CSNK1G2: variants seen among roughly 807,000 people sequenced by gnomAD.
CSNK1G2 encodes the protein casein kinase 1 gamma 2.
Under a neutral mutation model 48.0 loss-of-function variants are expected in CSNK1G2, and 11 were observed. That is an observed-to-expected ratio of 0.23 (90% CI 0.14 to 0.38). The LOEUF (loss-of-function observed/expected upper bound fraction) is 0.38. Among genes scored for constraint, CSNK1G2 ranks in the 10% least tolerant of loss-of-function variants. CSNK1G2 has a pLI of 1.00. For synonymous variants in CSNK1G2, 337 were observed against 254.1 expected (o/e 1.33, Z -3.10); for missense variants, 446 against 595.5 (o/e 0.75, Z 2.61).
intron 2 of CSNK1G2, among the ~76,000 whole-genome samples, chr19:1,972,534 C>T (rs534431811): frequency 6.6e-6 from 1 of 152,304 alleles, no homozygotes; most frequent in Non-Finnish European, 1.5e-5. Context: ...CTTCTTGGAT[C>T]TCTGTGTTGG....
At chr19:1,979,675 G>C in intron 9 of CSNK1G2, 32 bp downstream of exon 9, 7 of 1,601,530 alleles carry the variant, frequency 4.4e-6, no homozygotes, top group Non-Finnish European at 5.9e-6. Context: ...TGTGGGAGCG[G>C]GGGACCGGGA....
Position 1,979,079 on chromosome 19 carries a change from C to T in CSNK1G2, c.668C>T (p.Thr223Met), listed in dbSNP as rs56038081. 2 of 1,598,890 alleles carry T rather than the reference C, an allele frequency of 1.3e-6. No homozygotes were observed. The highest frequency in any genetic ancestry group is 1.7e-4 in the Middle Eastern group (1 of 6,054). Residue 223 changes from threonine (T) to methionine (M), a missense_variant, in exon 6 of 12, where the codon ACG (threonine) becomes ATG (methionine). Around this residue, in one of 2 missense-constraint regions of CSNK1G2, gnomAD observed 258 missense variants for 415.9 expected, o/e 0.62. Transcript: ENST00000255641. Reference protein sequence around the residue: ...TGTARYMSINTHLGKEQSRRD... With the variant: ...TGTARYMSINMHLGKEQSRRD... Reference sequence around the variant, plus strand: ...ACGGCGCGCTACATGAGCATCAACACGCACCTGGGCAAGGGTGAGCTGCGC... The same window carrying T: ...ACGGCGCGCTACATGAGCATCAACATGCACCTGGGCAAGGGTGAGCTGCGC...
intron 1 of CSNK1G2, among the ~76,000 whole-genome samples, chr19:1,955,334 G>A (rs984709578): frequency 7.9e-5 from 12 of 152,176 alleles, no homozygotes; most frequent in African/African-American, 2.2e-4. Flanking sequence ...GGCCTCAGGC[G>A]CAGGCGGTGA....
At chr19:1,979,885 G>C in intron 10 of CSNK1G2, 26 bp from the exon 11 acceptor site, 1 of 1,605,982 alleles carries the variant, frequency 6.2e-7, no homozygotes, top group Non-Finnish European at 8.5e-7. Context: ...TGGGCGGCCA[G>C]CGTGACCCCC....
Position 1,978,270 on chromosome 19 carries a change from T to A in CSNK1G2, c.188-35T>A, listed in dbSNP as rs1229672245. 6.2e-7 allele frequency: 1 copy of A among 1,612,240 alleles called. No individual in the cohort carries two copies. The highest frequency in any genetic ancestry group is 8.5e-7 in the Non-Finnish European group (1 of 1,179,508). On this transcript the variant is annotated intron_variant, in intron 2 of 11. Transcript: ENST00000255641. The surrounding 1 kb of genome is among the most constrained non-coding windows in gnomAD (Gnocchi z 7.3). The stretch of plus-strand genomic sequence containing the variant: ...GGGGAGGTCGGGGCTAGGTGGGCCC[T>A]GCGCTGGCGGTGCTGATGGTCTCTG...
chr19:1,962,052 A>G (rs796875447), intron 1 of CSNK1G2, among the ~76,000 whole-genome samples: 2 of 152,316 alleles, frequency 1.3e-5, no homozygotes, highest in African/African-American at 4.8e-5. Context: ...CACCCTGGCC[A>G]GGCGCGGTGG....
chr19:1,945,315 C>A (rs1023615612), intron 1 of CSNK1G2, among the ~76,000 whole-genome samples: 2 of 152,220 alleles, frequency 1.3e-5, no homozygotes, highest in Non-Finnish European at 2.9e-5. Flanking sequence ...GCCCCCGGTG[C>A]GGCTGACTGT....
chr19:1,941,394 C>A lies in CSNK1G2; in HGVS notation c.-290C>A, dbSNP rs913988122. 1 of 148,726 alleles carries A rather than the reference C, an allele frequency of 6.7e-6. No individual in the cohort carries two copies. Among genetic ancestry groups the A allele is most frequent in the Non-Finnish European group, 1.5e-5 (1 of 66,616 alleles). 9.2% of individuals were successfully genotyped at this position (148,726 alleles called of 1,614,324 possible). A position where few individuals can be genotyped will look rare whatever the true frequency, so the allele number is the denominator to read the frequency against. The stretch of plus-strand genomic sequence containing the variant: ...GGGCCGGCCGCCCAGACGCTGCCCG[C>A]GGGCCCGGCCACGGCGGAGCCAAGG... On this transcript the variant is annotated 5_prime_UTR_variant, in exon 1 of 12. Coordinates refer to ENST00000255641, the MANE Select transcript of CSNK1G2 (RefSeq NM_001319.7).
intron 1 of CSNK1G2, among the ~76,000 whole-genome samples, chr19:1,948,252 G>T (rs1383839085): frequency 6.6e-6 from 1 of 152,206 alleles, no homozygotes; most frequent in Non-Finnish European, 1.5e-5. Context: ...GGCCGGGCGT[G>T]GTGGCTCACG....
At chr19:1,955,555 C>A (rs1034481317) in intron 1 of CSNK1G2, among the ~76,000 whole-genome samples, 5 of 152,100 alleles carry the variant, frequency 3.3e-5, no homozygotes, top group African/African-American at 7.2e-5. Flanking sequence ...GGGCGAGGCT[C>A]CGCGAGTCGG....
At chr19:1,969,003 G>T in intron 1 of CSNK1G2, 1 of 152,664 alleles carries the variant, frequency 6.6e-6, no homozygotes. Context: ...AGTCGCCATG[G>T]GCAGGGGCAG....
chr19:1,950,561 C>T (rs752760392), intron 1 of CSNK1G2, among the ~76,000 whole-genome samples: 7 of 146,826 alleles, frequency 4.8e-5, no homozygotes, highest in Non-Finnish European at 1.0e-4. Flanking sequence ...GAGCACCGTC[C>T]GCTTTCCAGA....
intron 1 of CSNK1G2, among the ~76,000 whole-genome samples, chr19:1,948,180 C>T (rs530360526): frequency 1.3e-5 from 2 of 152,352 alleles, no homozygotes; most frequent in Admixed American, 6.5e-5. Context: ...GTCCCTCCCC[C>T]TCTCATCCCC....
At chr19:1,942,571 C>T (rs983858983) in intron 1 of CSNK1G2, 1 of 152,178 alleles carries the variant, frequency 6.6e-6, no homozygotes, top group Non-Finnish European at 1.5e-5. Flanking sequence ...TCCTGGCTCC[C>T]GGAGGCCCTG....
chr19:1,955,564 G>A (rs547642162), intron 1 of CSNK1G2, among the ~76,000 whole-genome samples: 2 of 152,234 alleles, frequency 1.3e-5, no homozygotes, highest in East Asian at 1.9e-4. Flanking sequence ...TCCGCGAGTC[G>A]GGGGCAGCGC....
intron 2 of CSNK1G2, among the ~76,000 whole-genome samples, chr19:1,971,064 C>G (rs1222324092): frequency 2.6e-5 from 4 of 152,226 alleles, no homozygotes; most frequent in Non-Finnish European, 5.9e-5. Context: ...TGCTTCCCAC[C>G]TCCTGCCTCA....
chr19:1,947,983 C>T (rs2145499763), intron 1 of CSNK1G2, among the ~76,000 whole-genome samples: 1 of 152,122 alleles, frequency 6.6e-6, no homozygotes, highest in Admixed American at 6.5e-5. Flanking sequence ...CGGGCACTGG[C>T]CTCTCCTTCC....
At chr19:1,944,709 C>T (rs1183335954) in intron 1 of CSNK1G2, among the ~76,000 whole-genome samples, 1 of 151,426 alleles carries the variant, frequency 6.6e-6, no homozygotes, top group Non-Finnish European at 1.5e-5. Flanking sequence ...GGGGGGGGTA[C>T]CCCTTTGTGC....
chr19:1,943,888 C>T (rs975304742), intron 1 of CSNK1G2, among the ~76,000 whole-genome samples: 26 of 152,262 alleles, frequency 1.7e-4, no homozygotes, highest in Admixed American at 1.4e-3. Flanking sequence ...TGGCGGAGGG[C>T]GGGTGGTGGA....
Sources: allele counts gnomAD v4.1 joint callset (sites outside exome capture counted in the v4.1 genomes callset), GRCh38; gene constraint gnomAD v4.1.1; regional missense constraint gnomAD v4.1.1; non-coding constraint Gnocchi (gnomAD v3.1); transcripts MANE v1.5; gene names NCBI Gene and HGNC (gene_info 2026-07-23, HGNC 2026-07-21).